The following TICAM2 variants were observed in gnomAD, a reference collection of about 807,000 sequenced individuals.
TICAM2 encodes TIR domain containing adaptor molecule 2.
TICAM2 carries 8 observed loss-of-function variants against 7.3 expected under a neutral mutation model. That is an observed-to-expected ratio of 1.10 (90% CI 0.65 to 1.99). The LOEUF (loss-of-function observed/expected upper bound fraction) is 1.99, where lower values mean the gene tolerates loss of function less well. Among genes scored for constraint, TICAM2 ranks in the 30% most tolerant of loss-of-function variants. TICAM2 has a pLI of 0.00. For synonymous variants in TICAM2, 113 were observed against 99.6 expected (o/e 1.13, Z -0.80); for missense variants, 304 against 278.8 (o/e 1.09, Z -0.65).
At chr5:115,583,534 G>GAA (rs753858095) in intron 1 of TICAM2, among the ~76,000 whole-genome samples, 6 of 152,142 alleles carry the variant, frequency 3.9e-5, no homozygotes, top group Non-Finnish European at 5.9e-5. Flanking sequence ...CAGACCGAGA[G>GAA]AAAAAAACTA....
rs1754867461 is a variant in TICAM2, at chr5:115,580,236, C to T, written c.*313G>A. ...AGTGTTGTCACATTTTTAAAAATGT[C>T]TGTCATACAAGTTTTTGTTCAAGGT... On this transcript the variant is annotated 3_prime_UTR_variant, in exon 2 of 2. Coordinates refer to ENST00000427199, the MANE Select transcript of TICAM2 (RefSeq NM_021649.7). The T allele has an allele frequency of 4.6e-6, 1 of 219,234 alleles. No homozygotes were observed. The highest frequency in any genetic ancestry group is 5.4e-5 in the Admixed American group (1 of 18,368). 13.6% of individuals were successfully genotyped at this position (219,234 alleles called of 1,614,324 possible).
intron 1 of TICAM2, among the ~76,000 whole-genome samples, chr5:115,582,673 A>T (rs1754970983): frequency 6.6e-6 from 1 of 152,236 alleles, no homozygotes; most frequent in Non-Finnish European, 1.5e-5. Context: ...ATATATAAAT[A>T]CAGGTTTCAT....
intron 1 of TICAM2, among the ~76,000 whole-genome samples, chr5:115,598,772 CTT>C (rs1052776426): frequency 3.9e-5 from 6 of 152,064 alleles, no homozygotes; most frequent in Non-Finnish European, 8.8e-5. Context: ...GAATTTTCTT[CTT>C]TTCTTTTACA....
chr5:115,596,604 C>A (rs1377817433), intron 1 of TICAM2, among the ~76,000 whole-genome samples: 1 of 152,150 alleles, frequency 6.6e-6, no homozygotes. Context: ...GTAACCAGAA[C>A]TATCATAAAA....
chr5:115,580,409 T>G lies in TICAM2; in HGVS notation c.*140A>C, dbSNP rs1272930008. ...ATTTTATAGGCTGTCCTGCAGAAAT[T>G]TATCTTTCTTGTGCTCCATAGGTTT... On this transcript the variant is annotated 3_prime_UTR_variant, in exon 2 of 2. Coordinates refer to ENST00000427199, the MANE Select transcript of TICAM2 (RefSeq NM_021649.7). 2 of 1,127,430 alleles carry G rather than the reference T, an allele frequency of 1.8e-6. No individual in the cohort carries two copies. Among genetic ancestry groups the G allele is most frequent in the African/African-American group, 1.6e-5 (1 of 60,912 alleles). The allele number at this position is 1,127,430 out of a possible 1,614,324, so 69.8% of individuals were successfully genotyped here.
intron 1 of TICAM2, among the ~76,000 whole-genome samples, chr5:115,588,978 A>G (rs148255967): frequency 1.5e-3 from 226 of 152,344 alleles, no homozygotes; most frequent in African/African-American, 5.1e-3. Context: ...ACATCTTGTA[A>G]TATCTCATAA....
intron 1 of TICAM2, among the ~76,000 whole-genome samples, chr5:115,596,199 C>T (rs180955266): frequency 8.5e-5 from 13 of 152,298 alleles, no homozygotes; most frequent in Non-Finnish European, 1.6e-4. Flanking sequence ...ACCACATTTT[C>T]ATTCTAGATC....
At chr5:115,589,640 C>T (rs183345104) in intron 1 of TICAM2, among the ~76,000 whole-genome samples, 102 of 152,316 alleles carry the variant, frequency 6.7e-4, no homozygotes, top group African/African-American at 2.3e-3. Flanking sequence ...GCTATTAGAG[C>T]TTGCATTAGA....
intron 1 of TICAM2, among the ~76,000 whole-genome samples, chr5:115,582,889 G>C (rs79813343): frequency 1.2e-4 from 17 of 137,658 alleles, no homozygotes; most frequent in Admixed American, 6.4e-4. Context: ...GAAAAAAACA[G>C]AGAATTTCAT....
At chr5:115,582,223 C>T (rs1754950996) in intron 1 of TICAM2, among the ~76,000 whole-genome samples, 1 of 151,798 alleles carries the variant, frequency 6.6e-6, no homozygotes, top group South Asian at 2.1e-4. Context: ...GTGGTGTGAT[C>T]TCAACTCACT....
At chr5:115,594,099 A>T (rs1755416415) in intron 1 of TICAM2, among the ~76,000 whole-genome samples, 1 of 152,252 alleles carries the variant, frequency 6.6e-6, no homozygotes, top group Non-Finnish European at 1.5e-5. Context: ...CAGGATGTCC[A>T]GCCTTTCCAG....
chr5:115,581,103 T>C lies in TICAM2; in HGVS notation c.154A>G (p.Thr52Ala), dbSNP rs1754906337. 1.2e-6 allele frequency: 2 copies of C among 1,614,070 alleles called. No individual in the cohort carries two copies. Among genetic ancestry groups the C allele is most frequent in the African/African-American group, 1.3e-5 (1 of 74,932 alleles). Residue 52 changes from threonine to alanine, a missense_variant, in exon 2 of 2, where the codon ACA becomes GCA. Transcript: ENST00000427199. ...LCNVAEHSNTTEGPTGKQEGA... is the reference protein window; with the variant it reads ...LCNVAEHSNTAEGPTGKQEGA... Reference sequence around the variant, plus strand: ...TCCTGCTTTCCTGTTGGCCCCTCTGTTGTATTGCTGTGCTCAGCAACATTA... The same window carrying C: ...TCCTGCTTTCCTGTTGGCCCCTCTGCTGTATTGCTGTGCTCAGCAACATTA...
At chr5:115,597,370 G>A (rs893635893) in intron 1 of TICAM2, among the ~76,000 whole-genome samples, 2 of 152,068 alleles carry the variant, frequency 1.3e-5, no homozygotes, top group Non-Finnish European at 2.9e-5. Flanking sequence ...TATCATAAGA[G>A]ATCTTGTACA....
intron 1 of TICAM2, among the ~76,000 whole-genome samples, chr5:115,594,337 C>T (rs563908581): frequency 6.6e-6 from 1 of 152,200 alleles, no homozygotes; most frequent in Non-Finnish European, 1.5e-5. Flanking sequence ...CCCAAACACA[C>T]ATATGGTTGT....
intron 1 of TICAM2, among the ~76,000 whole-genome samples, chr5:115,601,570 A>C (rs1431916094): frequency 1.3e-5 from 2 of 152,226 alleles, no homozygotes; most frequent in African/African-American, 4.8e-5. Flanking sequence ...AAATTAAAAA[A>C]TAATAATAAA....
At chr5:115,594,031 C>A (rs1755412665) in intron 1 of TICAM2, among the ~76,000 whole-genome samples, 1 of 152,112 alleles carries the variant, frequency 6.6e-6, no homozygotes, top group Non-Finnish European at 1.5e-5. Context: ...TATGTTATTA[C>A]TATATAAAAA....
intron 1 of TICAM2, among the ~76,000 whole-genome samples, chr5:115,594,693 A>G (rs1755440158): frequency 6.6e-6 from 1 of 152,228 alleles, no homozygotes; most frequent in Non-Finnish European, 1.5e-5. Flanking sequence ...AAAATATATG[A>G]TAGATGTTTT....
At chr5:115,595,260 G>T (rs942938482) in intron 1 of TICAM2, among the ~76,000 whole-genome samples, 5 of 152,204 alleles carry the variant, frequency 3.3e-5, no homozygotes, top group Admixed American at 1.3e-4. Flanking sequence ...TCTCTGCCTT[G>T]GTCAATGATA....
At chr5:115,587,789 G>A (rs1755161893) in intron 1 of TICAM2, among the ~76,000 whole-genome samples, 1 of 152,166 alleles carries the variant, frequency 6.6e-6, no homozygotes, top group Admixed American at 6.5e-5. Context: ...ATGTAGGTCT[G>A]GGGCATAAAA....
Sources: allele counts gnomAD v4.1 joint callset (sites outside exome capture counted in the v4.1 genomes callset), GRCh38; gene constraint gnomAD v4.1.1; transcripts MANE v1.5; gene names NCBI Gene and HGNC (gene_info 2026-07-23, HGNC 2026-07-21).